PPARGC1A: variants seen among roughly 807,000 people sequenced by gnomAD.
PPARGC1A encodes the protein PPARG coactivator 1 alpha.
In PPARGC1A, 25 loss-of-function variants were observed where a neutral mutation model predicts 88.7. The observed-to-expected ratio is 0.28, with a 90% CI of 0.21 to 0.39. PPARGC1A has a LOEUF of 0.39. Ranked by LOEUF, PPARGC1A falls within the 10% of genes least tolerant of loss-of-function variation. The pLI, the probability that PPARGC1A is intolerant of heterozygous loss-of-function variation, is 1.00. For missense variants in PPARGC1A, 880 were observed against 968.7 expected, an observed-to-expected ratio of 0.91 and a Z score of 1.22; for synonymous variants, 363 against 355.6, an observed-to-expected ratio of 1.02 and a Z score of -0.24.
the PPARGC1A span, among the ~76,000 whole-genome samples, chr4:24,247,216 A>G: frequency 1.3e-4 from 20 of 151,904 alleles, no homozygotes; most frequent in African/African-American, 4.6e-4. Context: ...AAAAAGAAAA[A>G]AGTCTGGTCT....
the PPARGC1A span, among the ~76,000 whole-genome samples, chr4:24,059,467 C>T: frequency 1.6e-3 from 238 of 152,254 alleles, 1 homozygote; most frequent in African/African-American, 5.4e-3. Flanking sequence ...AAGAAGTGAG[C>T]GCTTTTCAAA....
chr4:24,145,658 T>G, the PPARGC1A span, among the ~76,000 whole-genome samples: 11 of 152,186 alleles, frequency 7.2e-5, no homozygotes, highest in African/African-American at 2.7e-4. Context: ...TCTTCTAGGT[T>G]GGACAGAAAA....
the PPARGC1A span, among the ~76,000 whole-genome samples, chr4:24,217,619 A>C: frequency 6.6e-6 from 1 of 152,124 alleles, no homozygotes; most frequent in African/African-American, 2.4e-5. Context: ...CCTGGTCAAC[A>C]TGGTGAAACC....
At chr4:24,329,899 G>T in the PPARGC1A span, among the ~76,000 whole-genome samples, 1 of 152,122 alleles carries the variant, frequency 6.6e-6, no homozygotes, top group Non-Finnish European at 1.5e-5. Flanking sequence ...GCACAAACTA[G>T]GGAGTGAGTA....
the PPARGC1A span, among the ~76,000 whole-genome samples, chr4:24,418,754 A>G: frequency 1.3e-5 from 2 of 152,198 alleles, no homozygotes; most frequent in African/African-American, 2.4e-5. Flanking sequence ...TTCATTATGA[A>G]TCCCATTGTT....
intron 2 of PPARGC1A, among the ~76,000 whole-genome samples, chr4:23,868,881 C>T (rs919655745): frequency 6.6e-6 from 1 of 152,186 alleles, no homozygotes; most frequent in African/African-American, 2.4e-5. Context: ...AGACTCATTT[C>T]CAATGGCACT....
At chr4:24,252,404 T>G in the PPARGC1A span, among the ~76,000 whole-genome samples, 9 of 152,186 alleles carry the variant, frequency 5.9e-5, no homozygotes, top group African/African-American at 2.2e-4. Flanking sequence ...TTCAGTTGTG[T>G]TTCTGCCTTT....
At chr4:24,113,349 T>G in the PPARGC1A span, among the ~76,000 whole-genome samples, 1 of 151,482 alleles carries the variant, frequency 6.6e-6, no homozygotes, top group South Asian at 2.1e-4. Context: ...ACAACCTCCT[T>G]TATTTTAGCC....
At chr4:24,378,703 A>G in the PPARGC1A span, among the ~76,000 whole-genome samples, 1 of 152,208 alleles carries the variant, frequency 6.6e-6, no homozygotes, top group Admixed American at 6.5e-5. Flanking sequence ...ATTTTTATGA[A>G]GTGATTTTGC....
chr4:24,072,507 G>A, the PPARGC1A span, among the ~76,000 whole-genome samples: 6 of 151,948 alleles, frequency 3.9e-5, no homozygotes, highest in East Asian at 7.7e-4. Flanking sequence ...CAGTTCATGA[G>A]CAAGCTCTCC....
chr4:24,375,819 TA>T, the PPARGC1A span, among the ~76,000 whole-genome samples: 1 of 152,112 alleles, frequency 6.6e-6, no homozygotes, highest in African/African-American at 2.4e-5. Flanking sequence ...AAGAGTGAGA[TA>T]AAAGCAGCCC....
chr4:24,159,607 C>T, the PPARGC1A span, among the ~76,000 whole-genome samples: 1 of 152,200 alleles, frequency 6.6e-6, no homozygotes, highest in Non-Finnish European at 1.5e-5. Flanking sequence ...CTCATCACCA[C>T]TTTCCTATAA....
the PPARGC1A span, among the ~76,000 whole-genome samples, chr4:24,367,937 C>T: frequency 0.016 from 2,501 of 152,226 alleles, 33 homozygotes; most frequent in Middle Eastern, 0.048. Context: ...GAAATCCAGC[C>T]TTTTATTCGA....
At chr4:24,117,008 C>CA in the PPARGC1A span, among the ~76,000 whole-genome samples, 1 of 150,138 alleles carries the variant, frequency 6.7e-6, no homozygotes, top group Non-Finnish European at 1.5e-5. Context: ...ACAACAACAA[C>CA]AAAAAACAAT....
chr4:23,983,547 T>C, the PPARGC1A span, among the ~76,000 whole-genome samples: 2 of 152,168 alleles, frequency 1.3e-5, no homozygotes, highest in African/African-American at 4.8e-5. Context: ...GTTCTTTATA[T>C]ACATATGGCC....
chr4:24,038,470 G>C, the PPARGC1A span, among the ~76,000 whole-genome samples: 1 of 152,130 alleles, frequency 6.6e-6, no homozygotes, highest in East Asian at 1.9e-4. Flanking sequence ...TTATATTTCA[G>C]GGACCATGTT....
chr4:23,850,850 T>C (rs2148662695), intron 2 of PPARGC1A, among the ~76,000 whole-genome samples: 1 of 152,328 alleles, frequency 6.6e-6, no homozygotes, highest in East Asian at 1.9e-4. Flanking sequence ...CAAATGCTGG[T>C]TCCCCTCTTT....
chr4:23,932,704 A>C, the PPARGC1A span, among the ~76,000 whole-genome samples: 2 of 152,182 alleles, frequency 1.3e-5, no homozygotes, highest in African/African-American at 4.8e-5. Flanking sequence ...CTTATTGGAG[A>C]TAAATCTTAG....
chr4:24,007,822 T>A, the PPARGC1A span, among the ~76,000 whole-genome samples: 2 of 152,034 alleles, frequency 1.3e-5, no homozygotes, highest in Admixed American at 6.6e-5. Context: ...GGCGGGTTCC[T>A]TGGAGGGTGC....
Sources: gnomAD v4.1 joint callset for allele counts (sites outside exome capture counted in the v4.1 genomes callset) on GRCh38, gnomAD v4.1.1 for gene constraint, MANE v1.5 for transcripts, NCBI Gene and HGNC (gene_info 2026-07-23, HGNC 2026-07-21) for gene names.